Variants in ARHGAP15 observed in about 807,000 individuals in gnomAD.
The protein encoded by ARHGAP15 is rho GTPase-activating protein 15.
ARHGAP15 carries 51 observed loss-of-function variants against 63.7 expected under a neutral mutation model. The ratio of observed to expected loss-of-function variants is 0.80; its 90% CI spans 0.64 to 1.01. The LOEUF (loss-of-function observed/expected upper bound fraction) is 1.01. ARHGAP15 is among the 50% of genes least tolerant of loss of function. The pLI, the probability that ARHGAP15 is intolerant of heterozygous loss-of-function variation, is 0.00. For missense variants in ARHGAP15, 560 were observed against 564.6 expected (o/e 0.99, Z 0.08); for synonymous variants, 191 against 193.8 (o/e 0.99, Z 0.12).
chr2:143,273,523 A>G (rs1049840716), intron 6 of ARHGAP15, among the ~76,000 whole-genome samples: 13 of 152,168 alleles, frequency 8.5e-5, no homozygotes, highest in African/African-American at 3.1e-4. Context: ...TTATAGTATA[A>G]AATGTTCAAC....
At chr2:143,608,622 T>A (rs1233851780) in intron 11 of ARHGAP15, 4 of 152,236 alleles carry the variant, frequency 2.6e-5, no homozygotes, top group Non-Finnish European at 4.4e-5. Context: ...TCATTCTTTT[T>A]ATCTTTTTAC....
chr2:143,556,392 G>T lies in ARHGAP15; in HGVS notation c.926-16G>T. 1 of 1,580,630 alleles carries T rather than the reference G, an allele frequency of 6.3e-7. No homozygotes were observed. Among genetic ancestry groups the T allele is most frequent in the Non-Finnish European group, 8.6e-7 (1 of 1,159,182 alleles). ...TCCTATATGTGCTAATATAAAATAT[G>T]CCCTTTTGTCTTCAGGTCTAGATGT... On this transcript the variant is annotated splice_polypyrimidine_tract_variant and intron_variant, in intron 10 of 13. Transcript: ENST00000295095.
intron 12 of ARHGAP15, among the ~76,000 whole-genome samples, chr2:143,643,430 C>A (rs994290550): frequency 4.6e-5 from 2 of 43,874 alleles, no homozygotes; most frequent in Admixed American, 1.8e-4. Flanking sequence ...TCCACCCACC[C>A]CCCCCCACCA....
chr2:143,400,210 T>C (rs938842907), intron 6 of ARHGAP15, among the ~76,000 whole-genome samples: 1 of 152,182 alleles, frequency 6.6e-6, no homozygotes, highest in East Asian at 1.9e-4. Flanking sequence ...AATGTTACAA[T>C]AGAAATTTGG....
At chr2:143,155,752 T>A in intron 2 of ARHGAP15, 97 bp downstream of exon 2, 1 of 1,289,302 alleles carries the variant, frequency 7.8e-7, no homozygotes, top group Non-Finnish European at 1.1e-6. Flanking sequence ...TTTGTTTTCC[T>A]AATGTGCATG....
chr2:143,755,976 A>T (rs1371951835), intron 13 of ARHGAP15, among the ~76,000 whole-genome samples: 1 of 151,958 alleles, frequency 6.6e-6, no homozygotes, highest in Non-Finnish European at 1.5e-5. Flanking sequence ...AAAAAAAAAA[A>T]CTCTAAAACT....
chr2:143,206,065 G>A (rs933991907), intron 3 of ARHGAP15, among the ~76,000 whole-genome samples: 1 of 152,010 alleles, frequency 6.6e-6, no homozygotes, highest in African/African-American at 2.4e-5. Flanking sequence ...ATACCCTCAA[G>A]CCAGGAGTAG....
rs5834941 is a variant in ARHGAP15 at position 143,197,967 on chromosome 2, TAC to T, written c.166-4141_166-4140del. Among the ~76,000 whole-genome samples, 980 of 148,428 alleles carry T rather than the reference TAC, an allele frequency of 6.6e-3. 10 individuals are homozygous for T. Among genetic ancestry groups the T allele is most frequent in the African/African-American group, 0.022 (880 of 40,406 alleles). ...GTTCCCCAAGAATGTAGTGACTGCC[TAC>T]ACACACACACACACACACACACACA... On this transcript the variant is annotated intron_variant, in intron 2 of 13. Coordinates refer to ENST00000295095, the MANE Select transcript of ARHGAP15 (RefSeq NM_018460.4).
In ARHGAP15 at chr2:143,288,338, T is replaced by C. The variant is rs139445951; in HGVS notation, c.474+37738T>C. On this transcript the variant is annotated intron_variant, in intron 6 of 13. Transcript: ENST00000295095. The stretch of plus-strand genomic sequence containing the variant: ...AGAATGGTTATGTAGGAGAAATCCA[T>C]GGCAACAGCACATAGCTTGTAGATT... Among the ~76,000 whole-genome samples, 739 of 152,166 alleles carry C rather than the reference T, an allele frequency of 4.9e-3. 5 individuals carry two copies. The highest frequency in any genetic ancestry group is 7.5e-3 in the Non-Finnish European group (508 of 67,984).
chr2:143,236,183 G>C, intron 5 of ARHGAP15: 1 of 513,444 alleles, frequency 1.9e-6, no homozygotes, highest in Non-Finnish European at 3.3e-6. Context: ...ATATTCAAAT[G>C]AATAGTATAT....
chr2:143,560,889 C>G (rs754927207), intron 11 of ARHGAP15, among the ~76,000 whole-genome samples: 1 of 152,188 alleles, frequency 6.6e-6, no homozygotes, highest in African/African-American at 2.4e-5. Flanking sequence ...GCGCTCTGCC[C>G]TGTTTGTTGA....
chr2:143,513,624 C>T (rs1235106788), intron 9 of ARHGAP15, among the ~76,000 whole-genome samples: 1 of 152,180 alleles, frequency 6.6e-6, no homozygotes, highest in Non-Finnish European at 1.5e-5. Context: ...CAAAATCCAG[C>T]GAACATTTTT....
chr2:143,329,551 C>T lies in ARHGAP15; in HGVS notation c.474+78951C>T, dbSNP rs151067248. On this transcript the variant is annotated intron_variant, in intron 6 of 13. Transcript: ENST00000295095. The stretch of plus-strand genomic sequence containing the variant: ...CCCCATCTGACACCTTGGTTACAAC[C>T]TGTGAGATCTCAAAGAGAGGACCCA... 1.9e-3 allele frequency among the ~76,000 whole-genome samples: 296 copies of T among 152,226 alleles called. 2 individuals are homozygous for T. Among genetic ancestry groups the T allele is most frequent in the African/African-American group, 6.7e-3 (279 of 41,548 alleles).
chr2:143,745,241 C>G (rs866147999), intron 13 of ARHGAP15, among the ~76,000 whole-genome samples: 1 of 152,218 alleles, frequency 6.6e-6, no homozygotes, highest in Non-Finnish European at 1.5e-5. Flanking sequence ...ATGGCACATT[C>G]CTGGCATACA....
At chr2:143,349,025 C>T (rs1163286824) in intron 6 of ARHGAP15, among the ~76,000 whole-genome samples, 1 of 152,124 alleles carries the variant, frequency 6.6e-6, no homozygotes, top group Non-Finnish European at 1.5e-5. Flanking sequence ...AATGAAATAA[C>T]TCCTAACATC....
At chr2:143,596,419 A>G (rs907855247) in intron 11 of ARHGAP15, among the ~76,000 whole-genome samples, 3 of 152,164 alleles carry the variant, frequency 2.0e-5, no homozygotes, top group African/African-American at 7.2e-5. Context: ...GTTGGAGGAC[A>G]GACACCTTAA....
intron 2 of ARHGAP15, among the ~76,000 whole-genome samples, chr2:143,159,579 T>G (rs1690212416): frequency 6.6e-6 from 1 of 151,968 alleles, no homozygotes; most frequent in Admixed American, 6.6e-5. Context: ...ATTGGTTTTG[T>G]GCAAAAATAG....
intron 12 of ARHGAP15, among the ~76,000 whole-genome samples, chr2:143,630,590 A>T (rs1286682020): frequency 6.6e-6 from 1 of 152,094 alleles, no homozygotes; most frequent in African/African-American, 2.4e-5. Flanking sequence ...ACTATGGATA[A>T]TATCTGTTAC....
intron 13 of ARHGAP15, 24 bp downstream of exon 13, chr2:143,703,548 G>T: frequency 6.4e-7 from 1 of 1,555,658 alleles, no homozygotes; most frequent in Admixed American, 1.9e-5. Flanking sequence ...ATTTCTGGAT[G>T]TGTCATTTTA....
Sources: allele counts gnomAD v4.1 joint callset (sites outside exome capture counted in the v4.1 genomes callset), GRCh38; gene constraint gnomAD v4.1.1; transcripts MANE v1.5; gene names NCBI Gene and HGNC (gene_info 2026-07-23, HGNC 2026-07-21).